The following NRG1 variants were observed in gnomAD, a reference collection of about 807,000 sequenced individuals.
NRG1 encodes pro-neuregulin-1, membrane-bound isoform.
Under a neutral mutation model 63.8 loss-of-function variants are expected in NRG1, and 18 were observed. The ratio of observed to expected loss-of-function variants is 0.28; its 90% confidence interval spans 0.19 to 0.42. The LOEUF (loss-of-function observed/expected upper bound fraction) is 0.42. Ranked by LOEUF, NRG1 falls within the 10% of genes least tolerant of loss-of-function variation. The pLI, the probability that NRG1 is intolerant of heterozygous loss-of-function variation, is 1.00. For missense variants in NRG1, 762 were observed against 814.7 expected, an observed-to-expected ratio of 0.94 and a Z score of 0.79; for synonymous variants, 302 against 301.3, an observed-to-expected ratio of 1.00 and a Z score of -0.02.
intron 1 of NRG1, among the ~76,000 whole-genome samples, chr8:31,691,791 A>G (rs1487729192): frequency 3.3e-5 from 5 of 151,982 alleles, no homozygotes; most frequent in East Asian, 1.9e-4. Flanking sequence ...TCCCTTCTCT[A>G]CAGAGATGAA....
At chr8:32,194,213 C>T (rs894897024) in intron 1 of NRG1, among the ~76,000 whole-genome samples, 13 of 152,188 alleles carry the variant, frequency 8.5e-5, no homozygotes, top group African/African-American at 3.1e-4. Context: ...TCCCCATCAG[C>T]TCCTCCCAGT....
At chr8:32,171,247 T>G (rs1839997417) in intron 1 of NRG1, 1 of 152,210 alleles carries the variant, frequency 6.6e-6, no homozygotes, top group South Asian at 2.1e-4. Context: ...TATTTTTAAT[T>G]TTAAGTTCTG....
chr8:31,815,295 TA>T (rs1236456103), intron 1 of NRG1, among the ~76,000 whole-genome samples: 1 of 152,158 alleles, frequency 6.6e-6, no homozygotes, highest in East Asian at 1.9e-4. Context: ...TGTCTGTTTT[TA>T]TGATTTTGGC....
chr8:32,709,474 C>G (rs1179030411), intron 5 of NRG1, among the ~76,000 whole-genome samples: 1 of 151,852 alleles, frequency 6.6e-6, no homozygotes, highest in East Asian at 1.9e-4. Context: ...AGCTGGAGTA[C>G]AGTGGCATGA....
chr8:32,408,144 C>T (rs1025351102), intron 1 of NRG1, among the ~76,000 whole-genome samples: 1 of 152,154 alleles, frequency 6.6e-6, no homozygotes, highest in African/African-American at 2.4e-5. Flanking sequence ...GGTCACTGAA[C>T]ATACTTGGGG....
chr8:31,927,041 T>G (rs530050050), intron 1 of NRG1, among the ~76,000 whole-genome samples: 4 of 152,156 alleles, frequency 2.6e-5, no homozygotes, highest in Non-Finnish European at 5.9e-5. Context: ...AAATTAACAT[T>G]TATTGGGTAG....
chr8:31,849,914 G>A (rs1250533873), intron 1 of NRG1, among the ~76,000 whole-genome samples: 5 of 152,064 alleles, frequency 3.3e-5, no homozygotes, highest in African/African-American at 1.2e-4. Context: ...GCTTTAATAT[G>A]TTTTATAAAA....
At chr8:32,603,995 G>A (rs533424403) in intron 2 of NRG1, among the ~76,000 whole-genome samples, 6 of 152,298 alleles carry the variant, frequency 3.9e-5, no homozygotes, top group African/African-American at 1.4e-4. Context: ...ATAGCCTGAT[G>A]TATGCTCCAC....
intron 5 of NRG1, among the ~76,000 whole-genome samples, chr8:32,629,589 A>T (rs1004707643): frequency 6.6e-6 from 1 of 152,234 alleles, no homozygotes; most frequent in Admixed American, 6.5e-5. Context: ...CAAAGTTTTA[A>T]AAAACTAACA....
chr8:32,747,143 A>T (rs1827596544), intron 7 of NRG1, among the ~76,000 whole-genome samples: 1 of 152,146 alleles, frequency 6.6e-6, no homozygotes. Flanking sequence ...ATGCAGTAAT[A>T]TGTATGCATG....
At chr8:32,313,868 G>T (rs1480701938) in intron 1 of NRG1, among the ~76,000 whole-genome samples, 1 of 151,966 alleles carries the variant, frequency 6.6e-6, no homozygotes, top group East Asian at 1.9e-4. Context: ...GCTTATGTAG[G>T]CATATTTATA....
At chr8:32,316,391 G>A (rs924241635) in intron 1 of NRG1, among the ~76,000 whole-genome samples, 3 of 150,942 alleles carry the variant, frequency 2.0e-5, no homozygotes, top group African/African-American at 7.3e-5. Context: ...CAGGAGAATC[G>A]CTTGAACCTG....
chr8:32,414,654 A>T (rs116033036), intron 1 of NRG1, among the ~76,000 whole-genome samples: 1 of 152,166 alleles, frequency 6.6e-6, no homozygotes, highest in Non-Finnish European at 1.5e-5. Context: ...GTGGTACTTT[A>T]TTTCTCCCTG....
At chr8:31,773,221 G>C (rs1183353933) in intron 1 of NRG1, among the ~76,000 whole-genome samples, 1 of 152,210 alleles carries the variant, frequency 6.6e-6, no homozygotes. Context: ...GGCACTGTCA[G>C]CATGGCTCAG....
At chr8:32,595,380 A>G (rs1843173832) in intron 1 of NRG1, among the ~76,000 whole-genome samples, 1 of 151,734 alleles carries the variant, frequency 6.6e-6, no homozygotes, top group Admixed American at 6.6e-5. Flanking sequence ...ATAGAGATGG[A>G]GTTTCACCAT....
chr8:32,754,576 T>TA (rs913106624), intron 8 of NRG1, 102 bp downstream of exon 8: 8,251 of 827,612 alleles, frequency 1.0e-2, no homozygotes, highest in South Asian at 0.012. Flanking sequence ...GTCTTGGGGA[T>TA]AAAAAAAAAA....
intron 1 of NRG1, among the ~76,000 whole-genome samples, chr8:31,983,958 A>G (rs1389642037): frequency 6.6e-6 from 1 of 152,106 alleles, no homozygotes; most frequent in Non-Finnish European, 1.5e-5. Context: ...GACAAGGTAA[A>G]TCACCTTTTG....
intron 1 of NRG1, among the ~76,000 whole-genome samples, chr8:31,736,660 A>G (rs181410095): frequency 1.3e-5 from 2 of 151,002 alleles, no homozygotes; most frequent in African/African-American, 5.0e-5. Flanking sequence ...AAATGTCTCA[A>G]GTATTAAAAT....
chr8:32,090,642 C>A (rs1828992997), intron 1 of NRG1, among the ~76,000 whole-genome samples: 1 of 152,092 alleles, frequency 6.6e-6, no homozygotes, highest in South Asian at 2.1e-4. Context: ...ATTTTTGAAA[C>A]TATGAGCTTT....
Sources: gnomAD v4.1 joint callset for allele counts (sites outside exome capture counted in the v4.1 genomes callset) on GRCh38, gnomAD v4.1.1 for gene constraint, MANE v1.5 for transcripts, NCBI Gene and HGNC (gene_info 2026-07-23, HGNC 2026-07-21) for gene names.